The following GALNTL6 variants were observed in gnomAD, a reference collection of about 807,000 sequenced individuals.
The protein encoded by GALNTL6 is polypeptide N-acetylgalactosaminyltransferase like 6.
In GALNTL6, 46 loss-of-function variants were observed where a neutral mutation model predicts 73.7. That is an observed-to-expected ratio of 0.62 (90% CI 0.49 to 0.80). GALNTL6 has a LOEUF of 0.80. GALNTL6 is among the 30% of genes least tolerant of loss of function. GALNTL6 has a pLI of 0.00. For synonymous variants in GALNTL6, 259 were observed against 263.7 expected (o/e 0.98, Z 0.17); for missense variants, 604 against 755.0 (o/e 0.80, Z 2.34).
At chr4:172,981,884 C>T (rs944376788) in intron 10 of GALNTL6, among the ~76,000 whole-genome samples, 4 of 150,276 alleles carry the variant, frequency 2.7e-5, no homozygotes, top group African/African-American at 9.8e-5. Context: ...GCAACCTCTG[C>T]CTCCCAGGTT....
chr4:172,650,624 G>A (rs1229143623), intron 5 of GALNTL6, among the ~76,000 whole-genome samples: 3 of 152,136 alleles, frequency 2.0e-5, no homozygotes. Flanking sequence ...TACTGCCAGA[G>A]TGCTACAGAA....
chr4:172,874,422 C>T (rs1409289143), intron 7 of GALNTL6, among the ~76,000 whole-genome samples: 1 of 152,186 alleles, frequency 6.6e-6, no homozygotes, highest in Non-Finnish European at 1.5e-5. Context: ...AGGGACCCCT[C>T]CTTGCCAAAT....
chr4:171,924,183 TAC>T (rs371649848), intron 2 of GALNTL6, among the ~76,000 whole-genome samples: 6,178 of 142,284 alleles, frequency 0.043, 282 homozygotes, highest in African/African-American at 0.12. Context: ...ACCACACACA[TAC>T]ACACACACAC....
At chr4:172,378,401 A>C (rs915315685) in intron 5 of GALNTL6, among the ~76,000 whole-genome samples, 1 of 152,190 alleles carries the variant, frequency 6.6e-6, no homozygotes, top group Non-Finnish European at 1.5e-5. Context: ...GGGAAGGTGA[A>C]AAGATATTAC....
intron 5 of GALNTL6, among the ~76,000 whole-genome samples, chr4:172,658,838 C>A (rs1194164408): frequency 6.6e-6 from 1 of 152,156 alleles, no homozygotes; most frequent in East Asian, 1.9e-4. Flanking sequence ...AACATGTTTT[C>A]TAGCCCTGGT....
intron 2 of GALNTL6, among the ~76,000 whole-genome samples, chr4:171,986,625 G>T (rs1469404923): frequency 6.6e-6 from 1 of 152,146 alleles, no homozygotes; most frequent in Non-Finnish European, 1.5e-5. Flanking sequence ...GAGTGGGAGA[G>T]ATTAAGCTGA....
intron 5 of GALNTL6, among the ~76,000 whole-genome samples, chr4:172,356,981 T>C (rs1742183600): frequency 6.6e-6 from 1 of 152,274 alleles, no homozygotes; most frequent in African/African-American, 2.4e-5. Flanking sequence ...TTGAATCTAA[T>C]TTATTACCCA....
At chr4:172,420,979 G>A (rs575323159) in intron 5 of GALNTL6, among the ~76,000 whole-genome samples, 8 of 152,010 alleles carry the variant, frequency 5.3e-5, no homozygotes, top group Admixed American at 3.3e-4. Flanking sequence ...ACATGGACAC[G>A]GGGAGGGGAA....
At chr4:172,867,468 G>T (rs1442240654) in intron 7 of GALNTL6, among the ~76,000 whole-genome samples, 1 of 152,192 alleles carries the variant, frequency 6.6e-6, no homozygotes, top group African/African-American at 2.4e-5. Context: ...GGGCATAGCA[G>T]CATGGTGGCA....
At chr4:172,984,392 C>T (rs1404037054) in intron 10 of GALNTL6, among the ~76,000 whole-genome samples, 1 of 152,176 alleles carries the variant, frequency 6.6e-6, no homozygotes, top group Non-Finnish European at 1.5e-5. Context: ...CTCACTATAA[C>T]AAGAACAGCC....
chr4:171,859,030 C>T (rs1229896750), intron 2 of GALNTL6, among the ~76,000 whole-genome samples: 1 of 151,992 alleles, frequency 6.6e-6, no homozygotes, highest in African/African-American at 2.4e-5. Context: ...AAAATTTTTC[C>T]ATGTAAATGC....
intron 2 of GALNTL6, among the ~76,000 whole-genome samples, chr4:172,176,356 A>AAAAAAAAAAAAAAT (rs70941389): frequency 6.7e-6 from 1 of 149,360 alleles, no homozygotes; most frequent in Non-Finnish European, 1.5e-5. Context: ...AAAAAAAAAA[A>AAAAAAAAAAAAAAT]GAGTGTATTC....
At chr4:173,039,782 C>T (rs1753831641) in intron 12 of GALNTL6, 151 bp from the exon 13 acceptor site, 2 of 603,928 alleles carry the variant, frequency 3.3e-6, no homozygotes, top group East Asian at 3.0e-5. Flanking sequence ...TGGGCAACTC[C>T]ACCTGCTATT....
chr4:172,469,160 A>G (rs1311268400), intron 5 of GALNTL6, among the ~76,000 whole-genome samples: 1 of 152,198 alleles, frequency 6.6e-6, no homozygotes, highest in East Asian at 1.9e-4. Context: ...GGTCATGAGA[A>G]GATTAAAGGG....
intron 5 of GALNTL6, among the ~76,000 whole-genome samples, chr4:172,627,284 A>C (rs1739205794): frequency 6.6e-6 from 1 of 152,032 alleles, no homozygotes; most frequent in Non-Finnish European, 1.5e-5. Flanking sequence ...CTCTTTATGC[A>C]GTGATCACAT....
At chr4:172,051,419 A>G (rs1257295532) in intron 2 of GALNTL6, among the ~76,000 whole-genome samples, 1 of 152,114 alleles carries the variant, frequency 6.6e-6, no homozygotes, top group Non-Finnish European at 1.5e-5. Context: ...CATGGACTTG[A>G]AGGATAAATG....
In GALNTL6 at chr4:172,197,864, C is replaced by A. The variant is rs1014504645; in HGVS notation, c.139-31792C>A. On this transcript the variant is annotated intron_variant, in intron 2 of 12. Coordinates refer to ENST00000506823, the MANE Select transcript of GALNTL6 (RefSeq NM_001034845.3). The stretch of plus-strand genomic sequence containing the variant: ...GTGGCTCACACCTGTAATCCCAGCA[C>A]TTTGGAAGGCCAGAGCGGGCAGATC... 2.6e-5 allele frequency among the ~76,000 whole-genome samples: 4 copies of A among 152,294 alleles called. No homozygotes were observed. In the East Asian group the frequency reaches 7.7e-4, roughly 29 times the overall value.
chr4:172,648,700 C>T (rs1404251225), intron 5 of GALNTL6, among the ~76,000 whole-genome samples: 1 of 152,106 alleles, frequency 6.6e-6, no homozygotes, highest in African/African-American at 2.4e-5. Context: ...TTGAGAATAC[C>T]AACTTACACA....
intron 10 of GALNTL6, among the ~76,000 whole-genome samples, chr4:172,964,225 C>T (rs1190167163): frequency 6.6e-6 from 1 of 152,114 alleles, no homozygotes; most frequent in Non-Finnish European, 1.5e-5. Context: ...AACTGAATTC[C>T]CTATTATTTT....
Sources: allele counts gnomAD v4.1 joint callset (sites outside exome capture counted in the v4.1 genomes callset), GRCh38; gene constraint gnomAD v4.1.1; transcripts MANE v1.5; gene names NCBI Gene and HGNC (gene_info 2026-07-23, HGNC 2026-07-21).